NFASC: variants seen among roughly 807,000 people sequenced by gnomAD.
NFASC encodes neurofascin.
A neutral mutation model predicts 147.5 loss-of-function variants in NFASC; 43 were observed. The observed-to-expected ratio is 0.29, with a 90% CI of 0.23 to 0.38. The LOEUF (loss-of-function observed/expected upper bound fraction) is 0.38, where lower values mean the gene tolerates loss of function less well. Among genes scored for constraint, NFASC ranks in the 10% least tolerant of loss-of-function variants. The pLI is 1.00. For synonymous variants in NFASC, 622 were observed against 665.5 expected, an observed-to-expected ratio of 0.93 and a Z score of 1.01; for missense variants, 1,320 against 1,689.0, an observed-to-expected ratio of 0.78 and a Z score of 3.83.
intron 3 of NFASC, chr1:204,946,764 C>T (rs1241742186): frequency 1.9e-6 from 1 of 518,204 alleles, no homozygotes; most frequent in Non-Finnish European, 3.9e-6. Context: ...GGATGAACAC[C>T]AACCCTTCCC....
At chr1:205,002,545 C>T (rs529191297) in intron 26 of NFASC, 51 bp from the exon 27 acceptor site, 2 of 1,389,376 alleles carry the variant, frequency 1.4e-6, no homozygotes, top group Non-Finnish European at 1.9e-6. Context: ...AGCACTGGCT[C>T]TCCAGCTCCT....
At chr1:204,923,770 ACCGAGACC>A (rs2090986174) in intron 2 of NFASC, among the ~76,000 whole-genome samples, 2 of 152,110 alleles carry the variant, frequency 1.3e-5, no homozygotes, top group Non-Finnish European at 2.9e-5. Flanking sequence ...TCCTGTGGGC[ACCGAGACC>A]TGTAGGGTAA....
intron 3 of NFASC, among the ~76,000 whole-genome samples, 196 bp from the exon 4 acceptor site, chr1:204,950,361 G>A (rs2094019568): frequency 6.6e-6 from 1 of 152,222 alleles, no homozygotes; most frequent in Admixed American, 6.5e-5. Context: ...GGCACTCACT[G>A]GGTCCGTTCC....
At chr1:204,997,773 C>T (rs1413676781) in intron 25 of NFASC, 6 of 377,096 alleles carry the variant, frequency 1.6e-5, no homozygotes, top group East Asian at 6.5e-5. Flanking sequence ...AGCTCAGAGC[C>T]GAGCACTCCA....
chr1:204,967,972 C>CATTAAAAAAGTTG, intron 8 of NFASC: 1 of 346,446 alleles, frequency 2.9e-6, no homozygotes, highest in Non-Finnish European at 5.4e-6. Context: ...CCTCCCCGTT[C>CATTAAAAAAGTTG]CAGGGAAGGG....
At chr1:204,927,860 G>T (rs2091894395) in intron 2 of NFASC, among the ~76,000 whole-genome samples, 1 of 152,228 alleles carries the variant, frequency 6.6e-6, no homozygotes, top group South Asian at 2.1e-4. Flanking sequence ...TGTGAAGAAG[G>T]ATGTGTGTCT....
chr1:204,950,546 G>A lies in NFASC; in HGVS notation c.92-11G>A, dbSNP rs748959221. On this transcript the variant is annotated splice_polypyrimidine_tract_variant and intron_variant, in intron 3 of 29. Coordinates refer to ENST00000339876, the MANE Select transcript of NFASC (RefSeq NM_001005388.3). The stretch of plus-strand genomic sequence containing the variant: ...TCTCCCTCTCCAATGCTAACCCGTC[G>A]GAACTAACAGCAAGCATTCAGAATG... 3.8e-5 allele frequency: 61 copies of A among 1,611,762 alleles called. No individual in the cohort carries two copies. Among genetic ancestry groups the A allele is most frequent in the Non-Finnish European group, 4.7e-5 (55 of 1,178,958 alleles).
chr1:204,925,673 GC>G (rs2091366853), intron 2 of NFASC, among the ~76,000 whole-genome samples: 9 of 152,160 alleles, frequency 5.9e-5, no homozygotes, highest in Admixed American at 3.3e-4. Context: ...CTACAGTCTT[GC>G]CCCTCTTTCT....
At chr1:204,963,220 C>G (rs2094775149) in intron 8 of NFASC, among the ~76,000 whole-genome samples, 2 of 152,218 alleles carry the variant, frequency 1.3e-5, no homozygotes, top group Non-Finnish European at 1.5e-5. Context: ...TAGAACCACA[C>G]TGAGATCCTG....
Position 205,012,461 on chromosome 1 carries a change from A to T in NFASC, c.3422-336A>T, listed in dbSNP as rs149841866. 9.5e-3 allele frequency among the ~76,000 whole-genome samples: 1,447 copies of T among 152,320 alleles called. 22 individuals carry two copies. Among genetic ancestry groups the T allele is most frequent in the South Asian group, 0.023 (112 of 4,830 alleles). ...AGAGTAAGAAAGGTGCAAACAGTGG[A>T]GTGTTTGCCTTTGGCAAAGGAAATG... is the stretch of plus-strand genomic sequence containing the variant. On this transcript the variant is annotated intron_variant, in intron 28 of 29. Coordinates refer to ENST00000339876, the MANE Select transcript of NFASC (RefSeq NM_001005388.3).
intron 21 of NFASC, among the ~76,000 whole-genome samples, chr1:204,983,397 A>G (rs1277359712): frequency 2.6e-5 from 4 of 152,114 alleles, no homozygotes; most frequent in African/African-American, 9.7e-5. Context: ...AGAGAGTTGG[A>G]GGGAAAACGG....
chr1:204,992,576 G>C (rs1249096679), intron 24 of NFASC, among the ~76,000 whole-genome samples: 1 of 152,188 alleles, frequency 6.6e-6, no homozygotes, highest in Non-Finnish European at 1.5e-5. Context: ...GTGAGGCAGA[G>C]AGGTGATCCC....
chr1:204,989,472 C>T (rs1431489064), intron 23 of NFASC: 1 of 152,776 alleles, frequency 6.5e-6, no homozygotes, highest in African/African-American at 2.4e-5. Context: ...GCTGCACCTG[C>T]CTGAGGACTC....
intron 1 of NFASC, among the ~76,000 whole-genome samples, chr1:204,830,295 C>T (rs1315530536): frequency 2.0e-5 from 3 of 152,066 alleles, no homozygotes; most frequent in Non-Finnish European, 4.4e-5. Flanking sequence ...GAACTTAAAG[C>T]AATAGGAGAA....
chr1:204,924,511 T>C (rs1299450582), intron 2 of NFASC, among the ~76,000 whole-genome samples: 1 of 152,220 alleles, frequency 6.6e-6, no homozygotes, highest in African/African-American at 2.4e-5. Flanking sequence ...GTTTGGTGGA[T>C]GTCAGAGCTG....
At chr1:204,953,968 C>G (rs896390868) in intron 5 of NFASC, among the ~76,000 whole-genome samples, 1 of 152,194 alleles carries the variant, frequency 6.6e-6, no homozygotes, top group Non-Finnish European at 1.5e-5. Context: ...GGCCCCTGCC[C>G]TGGACAGTCA....
At chr1:204,944,431 C>T (rs2093571080) in intron 3 of NFASC, 25 bp downstream of exon 3, 46 of 826,324 alleles carry the variant, frequency 5.6e-5, no homozygotes, top group South Asian at 1.6e-4. Flanking sequence ...ATTCTCTTCT[C>T]TTTTTTTTCC....
chr1:204,959,974 C>T (rs566749552), intron 8 of NFASC, among the ~76,000 whole-genome samples: 1 of 152,234 alleles, frequency 6.6e-6, no homozygotes, highest in South Asian at 2.1e-4. Flanking sequence ...CATCAGCTTC[C>T]TGGAGTTCTC....
intron 8 of NFASC, among the ~76,000 whole-genome samples, chr1:204,966,297 C>T (rs1023073141): frequency 1.3e-5 from 2 of 152,044 alleles, no homozygotes; most frequent in East Asian, 1.9e-4. Context: ...GGTGGTGTCG[C>T]GCGTTATGGT....
Sources: allele counts gnomAD v4.1 joint callset (sites outside exome capture counted in the v4.1 genomes callset), GRCh38; gene constraint gnomAD v4.1.1; transcripts MANE v1.5; gene names NCBI Gene and HGNC (gene_info 2026-07-23, HGNC 2026-07-21).